The following MPP3 variants were observed in gnomAD, a reference collection of about 807,000 sequenced individuals.
The protein encoded by MPP3 is MAGUK p55 subfamily member 3.
MPP3 carries 48 observed loss-of-function variants against 80.7 expected under a neutral mutation model. That is an observed-to-expected ratio of 0.59 (90% CI 0.47 to 0.76). MPP3 has a LOEUF of 0.76. MPP3 is among the 30% of genes least tolerant of loss of function. The pLI is 0.00. For missense variants in MPP3, 620 were observed against 763.0 expected (o/e 0.81, Z 2.21); for synonymous variants, 311 against 297.6 (o/e 1.04, Z -0.46).
chr17:43,831,402 C>T, intron 4 of MPP3, 81 bp from the exon 5 acceptor site: 1 of 1,469,108 alleles, frequency 6.8e-7, no homozygotes, highest in Non-Finnish European at 9.5e-7. Flanking sequence ...GGGCAGCAGA[C>T]TGGGCCACTG....
chr17:43,823,458 A>G (rs896426513), intron 10 of MPP3, among the ~76,000 whole-genome samples: 1 of 152,180 alleles, frequency 6.6e-6, no homozygotes, highest in African/African-American at 2.4e-5. Flanking sequence ...AATCTTGGCA[A>G]AGCACTTATC....
chr17:43,822,598 C>T (rs2045512709), intron 10 of MPP3, among the ~76,000 whole-genome samples: 1 of 150,604 alleles, frequency 6.6e-6, no homozygotes, highest in Non-Finnish European at 1.5e-5. Flanking sequence ...TGCCTCCAAC[C>T]TCTACCCACT....
chr17:43,808,060 G>C (rs1022064505), intron 19 of MPP3, among the ~76,000 whole-genome samples: 2 of 152,174 alleles, frequency 1.3e-5, no homozygotes, highest in African/African-American at 4.8e-5. Flanking sequence ...TTCAAGACCA[G>C]CCTGGACAAC....
chr17:43,823,786 C>A, intron 10 of MPP3, 145 bp downstream of exon 10: 1 of 592,078 alleles, frequency 1.7e-6, no homozygotes, highest in South Asian at 2.3e-5. Context: ...GAATTAAAGT[C>A]CTCCACTGGG....
rs576632641 is a variant in MPP3 at position 43,801,362 on chromosome 17, A to T, written c.*339T>A. The T allele has an allele frequency of 2.8e-5, 7 of 248,536 alleles. No homozygotes were observed. The South Asian group carries it at 3.5e-4, about 12-fold the overall frequency. 15.4% of individuals were successfully genotyped at this position (248,536 alleles called of 1,614,324 possible). ...GTTTAAAAAGCTTAAACATTCTGCG[A>T]ATCAGTACTGTATAAATTAACCACT... On this transcript the variant is annotated 3_prime_UTR_variant, in exon 20 of 20. Coordinates refer to ENST00000398389, the MANE Select transcript of MPP3 (RefSeq NM_001932.6).
intron 9 of MPP3, among the ~76,000 whole-genome samples, chr17:43,824,490 C>A (rs933585584): frequency 6.6e-6 from 1 of 152,188 alleles, no homozygotes; most frequent in East Asian, 1.9e-4. Context: ...TTCCATCTCC[C>A]CAGTCTCAGG....
rs754439428 is a variant in MPP3 at position 43,801,656 on chromosome 17, G to A, written c.*45C>T. On this transcript the variant is annotated 3_prime_UTR_variant, in exon 20 of 20. Coordinates refer to ENST00000398389, the MANE Select transcript of MPP3 (RefSeq NM_001932.6). ...TGGTAAAATGAGGGAGTCTGGACTA[G>A]ATGATCTTCAAGGTCCCGTCCAGCT... 6.3e-7 allele frequency: 1 copy of A among 1,582,870 alleles called. No individual in the cohort carries two copies. The highest frequency in any genetic ancestry group is 1.7e-5 in the Admixed American group (1 of 59,326).
chr17:43,824,984 C>G (rs1457671625), intron 9 of MPP3: 1 of 152,326 alleles, frequency 6.6e-6, no homozygotes, highest in Non-Finnish European at 1.5e-5. Context: ...CCATGTTGCC[C>G]AGGCTGGTCT....
chr17:43,822,837 G>A (rs1438201958), intron 10 of MPP3, among the ~76,000 whole-genome samples: 1 of 151,992 alleles, frequency 6.6e-6, no homozygotes, highest in East Asian at 1.9e-4. Context: ...TACTTTCTCT[G>A]GCCACTGGAA....
At position 43,801,880 on chromosome 17, in the gene MPP3, G is replaced by A. The variant is rs1406183447; in HGVS notation, c.1582-3C>T. On this transcript the variant is annotated splice_region_variant and splice_polypyrimidine_tract_variant and intron_variant, in intron 19 of 19. Transcript: ENST00000398389. ...GCCATCTCTTGCTGCTGCTCATCCT[G>A]CAAGGAAAGGGGTGGTAAAAGGAGC... is the stretch of plus-strand genomic sequence containing the variant. The A allele has an allele frequency of 1.2e-6, 2 of 1,610,152 alleles. No individual in the cohort carries two copies. The highest frequency in any genetic ancestry group is 3.3e-5 in the Admixed American group (2 of 59,872).
chr17:43,829,469 G>A (rs967715679), intron 7 of MPP3, among the ~76,000 whole-genome samples, 185 bp downstream of exon 7: 3 of 152,180 alleles, frequency 2.0e-5, no homozygotes, highest in African/African-American at 7.2e-5. Flanking sequence ...ACAGTTGAGA[G>A]GGGCTGTATC....
intron 8 of MPP3, among the ~76,000 whole-genome samples, chr17:43,827,186 T>C (rs1214861626): frequency 6.6e-6 from 1 of 152,114 alleles, no homozygotes; most frequent in Non-Finnish European, 1.5e-5. Context: ...CTGGCTAATT[T>C]TGTATTTTTA....
In MPP3 at chr17:43,831,305, C is replaced by T. The variant is rs377594261; in HGVS notation, c.161G>A (p.Arg54His). ...GGTTGGACTTTGCCTTTCATAATAG[C>T]GAAGCTTCTCATGAATCTGCAAAGA... ...SYLMKIHEKL[R>H]YYERQSPTPV... The change falls in exon 5 of 20, where the codon CGC becomes CAC. Residue 54 changes from arginine to histidine, a missense_variant. Physicochemically the swap from Arg to His is conservative, Grantham distance 29 (BLOSUM62 0). Transcript: ENST00000398389. 7.4e-6 allele frequency: 12 copies of T among 1,613,848 alleles called. No homozygotes were observed. The African/African-American group carries it at 1.1e-4, about 14-fold the overall frequency.
intron 19 of MPP3, among the ~76,000 whole-genome samples, chr17:43,803,914 T>G (rs1403669866): frequency 1.3e-5 from 2 of 152,116 alleles, no homozygotes; most frequent in African/African-American, 2.4e-5. Flanking sequence ...AATGCAGCAT[T>G]CTGGTGGGCA....
chr17:43,810,771 G>A (rs367820898), intron 18 of MPP3, 36 bp downstream of exon 18: 34 of 1,433,846 alleles, frequency 2.4e-5, no homozygotes, highest in Middle Eastern at 1.8e-4. Context: ...TATAAATTCC[G>A]TTAACCAGAA....
intron 8 of MPP3, among the ~76,000 whole-genome samples, chr17:43,827,314 CTTTTT>C (rs1175236345): frequency 3.3e-5 from 4 of 119,614 alleles, no homozygotes; most frequent in Admixed American, 2.6e-4. Context: ...CTGTGCCTGG[CTTTTT>C]TTTTTTTTTC....
intron 5 of MPP3, 75 bp from the exon 6 acceptor site, chr17:43,830,182 G>T: frequency 8.9e-7 from 1 of 1,128,604 alleles, no homozygotes; most frequent in Non-Finnish European, 1.2e-6. Flanking sequence ...CTTCCTCTTT[G>T]GAAGGGCCCA....
intron 7 of MPP3, 142 bp downstream of exon 7, chr17:43,829,512 G>T: frequency 6.4e-6 from 6 of 939,030 alleles, no homozygotes; most frequent in Non-Finnish European, 9.4e-6. Context: ...GCACACAGAG[G>T]CACCACAGGG....
In MPP3 at chr17:43,816,050, C is replaced by G; in HGVS notation, c.997G>C (p.Gly333Arg). The G allele has an allele frequency of 6.6e-7, 1 of 1,506,858 alleles. No homozygotes were observed. The highest frequency in any genetic ancestry group is 1.4e-5 in the African/African-American group (1 of 69,746). 93.3% of individuals were successfully genotyped at this position (1,506,858 alleles called of 1,614,324 possible). The change falls in exon 14 of 20, where the codon GGG (glycine) becomes CGG (arginine). Residue 333 changes from glycine to arginine, a missense_variant. Physicochemically the swap from Gly to Arg is moderately radical, Grantham distance 125. Coordinates refer to ENST00000398389, the MANE Select transcript of MPP3 (RefSeq NM_001932.6). ...ETCDCEGYLK[G>R]HYVAGLRRSF... ...GGGAGCTACTTACCCACATAGTGCC[C>G]TTTGAGGTAGCCCTCACAGTCACAG...
Sources: allele counts gnomAD v4.1 joint callset (sites outside exome capture counted in the v4.1 genomes callset), GRCh38; gene constraint gnomAD v4.1.1; transcripts MANE v1.5; gene names NCBI Gene and HGNC (gene_info 2026-07-23, HGNC 2026-07-21).